The following SIRPB1 variants were observed in gnomAD, a reference collection of about 807,000 sequenced individuals.
SIRPB1 encodes the protein signal-regulatory protein beta-1.
A neutral mutation model predicts 34.1 loss-of-function variants in SIRPB1; 28 were observed. The ratio of observed to expected loss-of-function variants is 0.82; its 90% CI spans 0.61 to 1.12. The LOEUF is 1.12. SIRPB1 is among the 50% of genes most tolerant of loss of function. SIRPB1 has a pLI of 0.00. For synonymous variants in SIRPB1, 211 were observed against 203.8 expected, an observed-to-expected ratio of 1.04 and a Z score of -0.30; for missense variants, 499 against 507.0, an observed-to-expected ratio of 0.98 and a Z score of 0.15.
At position 1,613,238 on chromosome 20, in the gene SIRPB1, C is replaced by G. The variant is rs2091584904; in HGVS notation, c.76+6631G>C. 2.7e-5 allele frequency among the ~76,000 whole-genome samples: 2 copies of G among 73,370 alleles called. 1 individual carries two copies. The highest frequency in any genetic ancestry group is 2.2e-4 in the Admixed American group (2 of 9,008). 48.1% of individuals were successfully genotyped at this position (73,370 alleles called of 152,430 possible). On this transcript the variant is annotated intron_variant, in intron 1 of 5. Coordinates refer to ENST00000381605, the MANE Select transcript of SIRPB1 (RefSeq NM_006065.5). ...GTCTTCTGGAGGCTCTGTTTTTTGC[C>G]TTTTCAAATTCTAGAGTTTTCTCAC...
chr20:1,568,109 T>A (rs1478326596), intron 4 of SIRPB1, among the ~76,000 whole-genome samples: 4 of 152,220 alleles, frequency 2.6e-5, no homozygotes, highest in Non-Finnish European at 1.5e-5. Flanking sequence ...TCAGAGTTAC[T>A]GGGGACAATT....
intron 1 of SIRPB1, 91 bp downstream of exon 1, chr20:1,619,778 C>T: frequency 2.1e-6 from 2 of 937,420 alleles, no homozygotes; most frequent in South Asian, 3.1e-5. Context: ...TTCTTGGCAG[C>T]ACTTGTCATT....
At chr20:1,618,748 C>T (rs2091666403) in intron 1 of SIRPB1, among the ~76,000 whole-genome samples, 1 of 152,168 alleles carries the variant, frequency 6.6e-6, no homozygotes, top group Non-Finnish European at 1.5e-5. Flanking sequence ...GGTAACTTGT[C>T]TGGGAGCTGT....
intron 4 of SIRPB1, among the ~76,000 whole-genome samples, chr20:1,569,290 G>C (rs113460623): frequency 6.6e-6 from 1 of 152,108 alleles, no homozygotes; most frequent in African/African-American, 2.4e-5. Flanking sequence ...ACAGGAAAAT[G>C]GTTCTAAAAA....
chr20:1,572,138 A>G, intron 2 of SIRPB1, 101 bp from the exon 3 acceptor site: 1 of 1,558,542 alleles, frequency 6.4e-7, no homozygotes, highest in Non-Finnish European at 8.7e-7. Context: ...TTAGTTTTTA[A>G]TCTTTCTAAT....
Position 1,565,328 on chromosome 20 carries a change from G to T in SIRPB1, c.*172C>A. The T allele has an allele frequency of 3.3e-6, 1 of 304,968 alleles. No individual in the cohort carries two copies. The allele number at this position is 304,968 out of a possible 1,614,324, so 18.9% of individuals were successfully genotyped here. The stretch of plus-strand genomic sequence containing the variant: ...GCCCCTGCTCAGGACCGTGAATAGA[G>T]ACACTGCTTTGGGGCATCATGGTCT... On this transcript the variant is annotated 3_prime_UTR_variant, in exon 6 of 6. Transcript: ENST00000381605.
At position 1,572,845 on chromosome 20, in the gene SIRPB1, G is replaced by A. The variant is rs912634503; in HGVS notation, c.434-808C>T. Among the ~76,000 whole-genome samples, 31 of 152,022 alleles carry A rather than the reference G, an allele frequency of 2.0e-4. 2 individuals are homozygous for A. Among genetic ancestry groups the A allele is most frequent in the African/African-American group, 7.5e-4 (31 of 41,498 alleles). ...CCTGCTAAAGGTCAAGCCACAGGATGTTGCAGTAGATAGACCTGGATAACA... is the reference window on the plus strand; with the variant it reads ...CCTGCTAAAGGTCAAGCCACAGGATATTGCAGTAGATAGACCTGGATAACA... On this transcript the variant is annotated intron_variant, in intron 2 of 5. Transcript: ENST00000381605.
At chr20:1,571,192 A>G (rs2091230659) in intron 3 of SIRPB1, 55 bp from the exon 4 acceptor site, 1 of 1,533,764 alleles carries the variant, frequency 6.5e-7, no homozygotes, top group Non-Finnish European at 8.9e-7. Context: ...GATCACAGGG[A>G]GGGCTAAATA....
At chr20:1,592,266 T>C (rs2091445101) in intron 1 of SIRPB1, among the ~76,000 whole-genome samples, 1 of 48,326 alleles carries the variant, frequency 2.1e-5, no homozygotes, top group African/African-American at 1.4e-4. Context: ...CTGCAACCTC[T>C]GCCTCCTGGG....
rs2422615 is a variant in SIRPB1, at chr20:1,561,586, A to G, written c.*3914T>C. Among the ~76,000 whole-genome samples the G allele has an allele frequency of 0.8, 121,949 of 152,046 alleles. 49,228 individuals are homozygous for G. Among genetic ancestry groups the G allele is most frequent in the Middle Eastern group, 0.89 (261 of 294 alleles). On this transcript the variant is annotated 3_prime_UTR_variant, in exon 6 of 6. Transcript: ENST00000381605. ...AGGAGTTCTGGGCCCGATGTTGCAG[A>G]ATGCCTCCTTATTGAAATTTGTCTG...
chr20:1,571,570 A>G (rs1003665015), intron 3 of SIRPB1, 150 bp downstream of exon 3: 14 of 1,141,802 alleles, frequency 1.2e-5, no homozygotes, highest in Non-Finnish European at 1.6e-5. Context: ...CATTAAAATG[A>G]TAGTAAGTGA....
intron 1 of SIRPB1, among the ~76,000 whole-genome samples, chr20:1,602,899 TAA>T (rs1170870365): frequency 2.0e-5 from 1 of 49,206 alleles, no homozygotes; most frequent in Non-Finnish European, 3.9e-5. Flanking sequence ...CTGGGCCTTC[TAA>T]AAGTCTTCTG....
intron 4 of SIRPB1, chr20:1,570,586 C>A: frequency 2.2e-6 from 1 of 448,032 alleles, no homozygotes; most frequent in East Asian, 3.6e-5. Flanking sequence ...ACTTGACGCA[C>A]AGTTTCTCCT....
In SIRPB1 at chr20:1,600,454, G is replaced by C. The variant is rs2091472034; in HGVS notation, c.76+19415C>G. ...GTTGGAGGCCGGCAGTTCTCAGCTG[G>C]GGGGCTCTCTAGGACTTTGTCTCCC... On this transcript the variant is annotated intron_variant, in intron 1 of 5. Transcript: ENST00000381605. Among the ~76,000 whole-genome samples, 2 of 48,882 alleles carry C rather than the reference G, an allele frequency of 4.1e-5. 1 individual carries two copies. The highest frequency in any genetic ancestry group is 1.5e-3 in the South Asian group (2 of 1,364). 32.1% of individuals were successfully genotyped at this position (48,882 alleles called of 152,430 possible).
At chr20:1,565,706 C>T (rs147557710) in intron 5 of SIRPB1, among the ~76,000 whole-genome samples, 31 of 150,968 alleles carry the variant, frequency 2.1e-4, no homozygotes, top group East Asian at 1.2e-3. Flanking sequence ...CCCTCTTCCC[C>T]GCTTTCCACT....
intron 1 of SIRPB1, among the ~76,000 whole-genome samples, chr20:1,615,723 A>C (rs1299675362): frequency 6.6e-6 from 1 of 152,226 alleles, no homozygotes; most frequent in African/African-American, 2.4e-5. Context: ...AAGAGAAGAA[A>C]CACATGATTA....
chr20:1,577,912 C>T (rs1003091872), intron 2 of SIRPB1, among the ~76,000 whole-genome samples: 1 of 147,850 alleles, frequency 6.8e-6, no homozygotes, highest in African/African-American at 2.5e-5. Flanking sequence ...CAGGGCAGAG[C>T]CTGGCACACA....
intron 2 of SIRPB1, among the ~76,000 whole-genome samples, chr20:1,573,448 T>C (rs1353873957): frequency 1.1e-5 from 1 of 92,954 alleles, no homozygotes; most frequent in Admixed American, 1.1e-4. Context: ...AATTGTTACC[T>C]TGAACCTTCT....
At chr20:1,572,887 G>A (rs921730206) in intron 2 of SIRPB1, among the ~76,000 whole-genome samples, 42 of 151,240 alleles carry the variant, frequency 2.8e-4, no homozygotes, top group Admixed American at 8.6e-4. Context: ...GCCAGGGTCC[G>A]TGGGATTTTG....
Sources: gnomAD v4.1 joint callset for allele counts (sites outside exome capture counted in the v4.1 genomes callset) on GRCh38, gnomAD v4.1.1 for gene constraint, MANE v1.5 for transcripts, NCBI Gene and HGNC (gene_info 2026-07-23, HGNC 2026-07-21) for gene names.